The following DNAAF4 variants were observed in gnomAD, a reference collection of about 807,000 sequenced individuals.
The protein encoded by DNAAF4 is dynein assembly factor 4, axonemal.
In DNAAF4, 43 loss-of-function variants were observed where a neutral mutation model predicts 51.8. The ratio of observed to expected loss-of-function variants is 0.83; its 90% CI spans 0.65 to 1.07. The LOEUF is 1.07. Ranked by LOEUF, DNAAF4 falls within the 50% of genes least tolerant of loss-of-function variation. The probability of loss-of-function intolerance (pLI) is 0.00; values close to 1 mark genes in which losing one functional copy is unlikely to be tolerated. For missense variants in DNAAF4, 581 were observed against 493.0 expected, an observed-to-expected ratio of 1.18 and a Z score of -1.69; for synonymous variants, 194 against 165.6, an observed-to-expected ratio of 1.17 and a Z score of -1.32.
intron 7 of DNAAF4, among the ~76,000 whole-genome samples, chr15:55,437,736 T>C (rs60755763): frequency 0.19 from 28,517 of 152,034 alleles, 4,789 homozygotes; most frequent in African/African-American, 0.45. Flanking sequence ...ACGCAATCAG[T>C]GGCTGGGGAG....
At chr15:55,443,390 T>C (rs2057746192) in intron 6 of DNAAF4, 2 of 627,436 alleles carry the variant, frequency 3.2e-6, no homozygotes, top group African/African-American at 1.8e-5. Context: ...GGGGCCGCAC[T>C]TGCTCTAGCC....
At chr15:55,507,816 C>T (rs1326368244) in intron 1 of DNAAF4, among the ~76,000 whole-genome samples, 1 of 151,978 alleles carries the variant, frequency 6.6e-6, no homozygotes, top group Non-Finnish European at 1.5e-5. Context: ...GCACTCTAGC[C>T]TGAGTAACAG....
Position 55,498,474 on chromosome 15 carries a change from C to T in DNAAF4, c.-145G>A. 1 of 1,256,486 alleles carries T rather than the reference C, an allele frequency of 8.0e-7. No individual in the cohort carries two copies. Among genetic ancestry groups the T allele is most frequent in the Non-Finnish European group, 1.1e-6 (1 of 934,754 alleles). 77.8% of individuals were successfully genotyped at this position (1,256,486 alleles called of 1,614,324 possible). Reference sequence around the variant, plus strand: ...TTCCCAGCGTGCTCCGGCGCCAGCACCTCGCGGACTCCATGCGTGACTATC... The same window carrying T: ...TTCCCAGCGTGCTCCGGCGCCAGCATCTCGCGGACTCCATGCGTGACTATC... On this transcript the variant is annotated 5_prime_UTR_variant, in exon 2 of 10. The change creates a new upstream start codon in the 5' untranslated region. Coordinates refer to ENST00000321149, the MANE Select transcript of DNAAF4 (RefSeq NM_130810.4).
intron 4 of DNAAF4, among the ~76,000 whole-genome samples, chr15:55,471,811 C>T (rs1206797359): frequency 6.6e-6 from 1 of 151,162 alleles, no homozygotes; most frequent in Non-Finnish European, 1.5e-5. Flanking sequence ...CCACGCCCAG[C>T]CAACAATTCT....
chr15:55,479,435 C>A (rs577269742), intron 4 of DNAAF4, among the ~76,000 whole-genome samples: 96 of 152,176 alleles, frequency 6.3e-4, no homozygotes, highest in African/African-American at 2.3e-3. Context: ...TATGTCACCT[C>A]AGGACCACTG....
At chr15:55,476,795 T>A (rs2058340586) in intron 4 of DNAAF4, among the ~76,000 whole-genome samples, 1 of 152,098 alleles carries the variant, frequency 6.6e-6, no homozygotes, top group Non-Finnish European at 1.5e-5. Context: ...AAAAGTAGAA[T>A]GGTGGCTGTC....
intron 4 of DNAAF4, among the ~76,000 whole-genome samples, chr15:55,489,716 A>G (rs2058543668): frequency 6.6e-6 from 1 of 151,820 alleles, no homozygotes; most frequent in Non-Finnish European, 1.5e-5. Flanking sequence ...TGATAAAAAA[A>G]GTGGACAAAT....
chr15:55,490,691 C>T (rs994746268), intron 4 of DNAAF4, among the ~76,000 whole-genome samples: 4 of 152,100 alleles, frequency 2.6e-5, no homozygotes, highest in African/African-American at 7.2e-5. Flanking sequence ...CGGTGGCTCA[C>T]GCCTCTAATC....
At chr15:55,469,321 G>C (rs1011172476) in intron 4 of DNAAF4, among the ~76,000 whole-genome samples, 7 of 150,282 alleles carry the variant, frequency 4.7e-5, no homozygotes, top group African/African-American at 1.7e-4. Flanking sequence ...CAAGAGCGAG[G>C]CTCCTCTCAA....
intron 1 of DNAAF4, among the ~76,000 whole-genome samples, chr15:55,507,621 T>C (rs1245739613): frequency 6.6e-6 from 1 of 152,156 alleles, no homozygotes; most frequent in East Asian, 1.9e-4. Flanking sequence ...TTAACTCTTA[T>C]GTGAAGTTCA....
At chr15:55,477,207 T>C (rs2141543765) in intron 4 of DNAAF4, among the ~76,000 whole-genome samples, 1 of 151,944 alleles carries the variant, frequency 6.6e-6, no homozygotes, top group Non-Finnish European at 1.5e-5. Context: ...GTTCTGGAGA[T>C]GGTTAGTAGT....
chr15:55,446,781 G>C (rs1407603133), intron 6 of DNAAF4, among the ~76,000 whole-genome samples: 2 of 138,834 alleles, frequency 1.4e-5, no homozygotes, highest in African/African-American at 5.5e-5. Flanking sequence ...AGGCAGAGGC[G>C]CTCCTCACAT....
At chr15:55,493,654 A>G (rs986352030) in intron 3 of DNAAF4, among the ~76,000 whole-genome samples, 2 of 151,338 alleles carry the variant, frequency 1.3e-5, no homozygotes, top group Non-Finnish European at 2.9e-5. Context: ...ATTTTATGTG[A>G]AAAAAAAATG....
At chr15:55,421,669 C>T (rs2057389233) in intron 7 of DNAAF4, among the ~76,000 whole-genome samples, 1 of 151,556 alleles carries the variant, frequency 6.6e-6, no homozygotes, top group Non-Finnish European at 1.5e-5. Context: ...GGCAGATCAC[C>T]TAAGGTCAGG....
intron 5 of DNAAF4, among the ~76,000 whole-genome samples, chr15:55,459,413 T>G (rs762273669): frequency 6.6e-6 from 1 of 151,790 alleles, no homozygotes; most frequent in Non-Finnish European, 1.5e-5. Flanking sequence ...AAAACATAAA[T>G]CTCATAGGAT....
chr15:55,441,671 T>C (rs1194771389), intron 6 of DNAAF4, among the ~76,000 whole-genome samples: 1 of 152,106 alleles, frequency 6.6e-6, no homozygotes, highest in Non-Finnish European at 1.5e-5. Flanking sequence ...GTGTTTGGTT[T>C]TTTGTCCTTG....
intron 4 of DNAAF4, among the ~76,000 whole-genome samples, chr15:55,487,536 C>T (rs1159593633): frequency 1.3e-5 from 2 of 152,190 alleles, no homozygotes; most frequent in Non-Finnish European, 1.5e-5. Flanking sequence ...TTCTTTCACT[C>T]TTCATAATAA....
At chr15:55,490,967 A>AG (rs2058563449) in intron 4 of DNAAF4, 156 bp downstream of exon 4, 2 of 792,382 alleles carry the variant, frequency 2.5e-6, no homozygotes, top group East Asian at 5.5e-5. Context: ...AAAAAAAAAA[A>AG]CACACATATA....
At chr15:55,479,943 G>A (rs1246062399) in intron 4 of DNAAF4, among the ~76,000 whole-genome samples, 1 of 152,148 alleles carries the variant, frequency 6.6e-6, no homozygotes, top group Non-Finnish European at 1.5e-5. Context: ...GTGCACTGCT[G>A]AACATAGACC....
Sources: allele counts gnomAD v4.1 joint callset (sites outside exome capture counted in the v4.1 genomes callset), GRCh38; gene constraint gnomAD v4.1.1; transcripts MANE v1.5; gene names NCBI Gene and HGNC (gene_info 2026-07-23, HGNC 2026-07-21).